The following VPS52 variants were observed in gnomAD, a reference collection of about 807,000 sequenced individuals.
The protein encoded by VPS52 is VPS52 subunit of GARP complex, also known as vacuolar protein sorting-associated protein 52 homolog.
A neutral mutation model predicts 98.7 loss-of-function variants in VPS52; 56 were observed. That is an observed-to-expected ratio of 0.57 (90% CI 0.46 to 0.71). The LOEUF is 0.71. Ranked by LOEUF, VPS52 falls within the 30% of genes least tolerant of loss-of-function variation. VPS52 has a pLI of 0.00. For synonymous variants in VPS52, 348 were observed against 346.4 expected (o/e 1.00, Z -0.05); for missense variants, 742 against 925.9 (o/e 0.80, Z 2.58).
chr6:33,251,466 G>A (rs2150781441), intron 19 of VPS52, 52 bp downstream of exon 19: 5 of 1,272,620 alleles, frequency 3.9e-6, no homozygotes, highest in East Asian at 2.3e-5. Flanking sequence ...AAAAGATGGG[G>A]AAAATAATTA....
Position 33,264,163 on chromosome 6 carries a change from C to T in VPS52, c.1525-60G>A, listed in dbSNP as rs1763994339. On this transcript the variant is annotated intron_variant, in intron 14 of 19. Transcript: ENST00000445902. ...TCCTGGCCCAACCAACACAACCTCCCAACTTCCTTAGCCAACCCACCTCCA... is the reference window on the plus strand; with the variant it reads ...TCCTGGCCCAACCAACACAACCTCCTAACTTCCTTAGCCAACCCACCTCCA... 1 of 1,596,062 alleles carries T rather than the reference C, an allele frequency of 6.3e-7. No homozygotes were observed. Among genetic ancestry groups the T allele is most frequent in the Non-Finnish European group, 8.6e-7 (1 of 1,165,926 alleles).
At chr6:33,270,823 C>T (rs545077207) in intron 1 of VPS52, among the ~76,000 whole-genome samples, 2 of 151,898 alleles carry the variant, frequency 1.3e-5, no homozygotes, top group African/African-American at 4.8e-5. Flanking sequence ...CGGTGGCGGG[C>T]GCCTGTAGTC....
chr6:33,271,371 G>T, intron 1 of VPS52: 1 of 730,470 alleles, frequency 1.4e-6, no homozygotes, highest in Non-Finnish European at 2.5e-6. Context: ...CCCAAAATGT[G>T]GAGTGAAGTT....
At chr6:33,256,463 C>CAAAAAAAAAAAAAAAAAA (rs9280385) in intron 17 of VPS52, among the ~76,000 whole-genome samples, 8 of 83,742 alleles carry the variant, frequency 9.6e-5, no homozygotes, top group Non-Finnish European at 1.6e-4. Flanking sequence ...AAACCTGTCT[C>CAAAAAAAAAAAAAAAAAA]AAAAAAAAAA....
chr6:33,267,247 G>A lies in VPS52; in HGVS notation c.1066C>T (p.Pro356Ser), dbSNP rs772652215. The change falls in exon 11 of 20, where the codon CCC (proline) becomes TCC (serine). Residue 356 changes from proline to serine, a missense_variant. By Grantham distance (74) the Pro-to-Ser change is moderately conservative. This residue lies in a region of VPS52 where 590 missense variants were observed against 793.3 expected (regional missense o/e 0.74). Coordinates refer to ENST00000445902, the MANE Select transcript of VPS52 (RefSeq NM_022553.6). The surrounding 1 kb of genome is among the most constrained non-coding windows in gnomAD (Gnocchi z 4.2). ...AGGATGGGGGCCTCAAGTTCAGTGGGGGAGATGACAGAGCCGCGGGTTCCT... is the reference window on the plus strand; with the variant it reads ...AGGATGGGGGCCTCAAGTTCAGTGGAGGAGATGACAGAGCCGCGGGTTCCT... ...TLGTRGSVIS[P>S]TELEAPILVP... 15 of 1,603,574 alleles carry A rather than the reference G, an allele frequency of 9.4e-6. No homozygotes were observed. In the South Asian group the frequency reaches 1.6e-4, roughly 17 times the overall value.
In VPS52 at chr6:33,253,542, T is replaced by A. The variant is rs1234681584; in HGVS notation, c.1795-1571A>T. Among the ~76,000 whole-genome samples, 4 of 149,976 alleles carry A rather than the reference T, an allele frequency of 2.7e-5. 1 individual carries two copies. On this transcript the variant is annotated intron_variant, in intron 17 of 19. Transcript: ENST00000445902. The stretch of plus-strand genomic sequence containing the variant: ...TATGAAATAACTGGGAAAATCTGAA[T>A]AGTTATTTTAGATAAGATAATTTTT...
At chr6:33,258,302 G>A (rs1464735526) in intron 17 of VPS52, among the ~76,000 whole-genome samples, 2 of 150,610 alleles carry the variant, frequency 1.3e-5, no homozygotes, top group African/African-American at 4.9e-5. Context: ...AAGGATAAGT[G>A]CTTGAACCCG....
At position 33,268,545 on chromosome 6, in the gene VPS52, G is replaced by A; in HGVS notation, c.653C>T (p.Ala218Val). 6.2e-7 allele frequency: 1 copy of A among 1,612,722 alleles called. No homozygotes were observed. Among genetic ancestry groups the A allele is most frequent in the Non-Finnish European group, 8.5e-7 (1 of 1,179,924 alleles). Residue 218 changes from alanine (A) to valine (V), a missense_variant, in exon 7 of 20, where the codon GCA (alanine) becomes GTA (valine). Around this residue, in one of 2 missense-constraint regions of VPS52, gnomAD observed 590 missense variants for 793.3 expected, o/e 0.74. Transcript: ENST00000445902. The surrounding 1 kb of genome is among the most constrained non-coding windows in gnomAD (Gnocchi z 4.0). ...AVREQEARGT[A>V]ACADVRGVLD... ...CACGCCTCTGACATCTGCGCAGGCTGCTGTGCCTCTAGCTTCCTGCTCTCT... is the reference window on the plus strand; with the variant it reads ...CACGCCTCTGACATCTGCGCAGGCTACTGTGCCTCTAGCTTCCTGCTCTCT...
chr6:33,266,465 G>T, intron 12 of VPS52, 92 bp downstream of exon 12: 2 of 1,429,864 alleles, frequency 1.4e-6, no homozygotes, highest in Admixed American at 2.3e-5. Context: ...AGGCGATCCT[G>T]ATTTCAGTTC....
intron 17 of VPS52, among the ~76,000 whole-genome samples, chr6:33,261,067 T>G (rs1047787346): frequency 6.6e-6 from 1 of 151,812 alleles, no homozygotes; most frequent in South Asian, 2.1e-4. Context: ...CAGGCAACAG[T>G]TGTCTTTTGT....
rs1764095228 is a variant in VPS52 at position 33,264,767 on chromosome 6, C to T, written c.1400+15G>A. On this transcript the variant is annotated intron_variant, in intron 13 of 19. Transcript: ENST00000445902. Reference sequence around the variant, plus strand: ...TTCGTGGCCTGTTGGGCATCAAGGACCAGAATTCAGTGACCTGTCCAGGGC... The same window carrying T: ...TTCGTGGCCTGTTGGGCATCAAGGATCAGAATTCAGTGACCTGTCCAGGGC... 2 of 1,610,684 alleles carry T rather than the reference C, an allele frequency of 1.2e-6. No homozygotes were observed. Among genetic ancestry groups the T allele is most frequent in the South Asian group, 1.1e-5 (1 of 91,042 alleles).
Position 33,250,600 on chromosome 6 carries a change from T to G in VPS52, c.*241A>C. The G allele has an allele frequency of 1.9e-6, 1 of 514,608 alleles. No individual in the cohort carries two copies. The highest frequency in any genetic ancestry group is 3.6e-5 in the Admixed American group (1 of 27,416). 31.9% of individuals were successfully genotyped at this position (514,608 alleles called of 1,614,324 possible). A position where few individuals can be genotyped will look rare whatever the true frequency, so the allele number is the denominator to read the frequency against. ...CAGACTGGAGAAATGATAAAGGCCATTTTGGAAGCCCACAGGGAAGTGGTC... is the reference window on the plus strand; with the variant it reads ...CAGACTGGAGAAATGATAAAGGCCAGTTTGGAAGCCCACAGGGAAGTGGTC... On this transcript the variant is annotated 3_prime_UTR_variant, in exon 20 of 20. Transcript: ENST00000445902.
At chr6:33,269,397 T>C in intron 5 of VPS52, 93 bp downstream of exon 5, 1 of 1,537,664 alleles carries the variant, frequency 6.5e-7, no homozygotes, top group Non-Finnish European at 9.0e-7. Context: ...CCCTAACCTG[T>C]CCCCATCTTG....
At position 33,251,062 on chromosome 6, in the gene VPS52, G is replaced by A. The variant is rs185575599; in HGVS notation, c.2026-75C>T. The A allele has an allele frequency of 2.3e-4, 365 of 1,602,628 alleles. 1 individual carries two copies. The highest frequency in any genetic ancestry group is 2.9e-4 in the Non-Finnish European group (341 of 1,175,640). ...GTGATGATTAAGAATCAGGTTAGGC[G>A]GCCAGGCGCAGTGGCTCACACTTGT... On this transcript the variant is annotated intron_variant, in intron 19 of 19. Transcript: ENST00000445902.
chr6:33,265,955 C>T (rs1253759360), intron 12 of VPS52, among the ~76,000 whole-genome samples: 1 of 152,040 alleles, frequency 6.6e-6, no homozygotes, highest in African/African-American at 2.4e-5. Flanking sequence ...CAATCTCCTC[C>T]TCCCAGGTTC....
At chr6:33,257,264 G>A (rs1344509282) in intron 17 of VPS52, among the ~76,000 whole-genome samples, 2 of 152,112 alleles carry the variant, frequency 1.3e-5, no homozygotes, top group Non-Finnish European at 2.9e-5. Flanking sequence ...CAAACTCCTG[G>A]CTTCAAGCAA....
Position 33,264,097 on chromosome 6 carries a change from G to A in VPS52, c.1531C>T (p.Arg511Cys). The change falls in exon 15 of 20, where the codon CGC becomes TGC. Residue 511 changes from arginine to cysteine, a missense_variant. Around this residue, in one of 2 missense-constraint regions of VPS52, gnomAD observed 590 missense variants for 793.3 expected, o/e 0.74. Coordinates refer to ENST00000445902, the MANE Select transcript of VPS52 (RefSeq NM_022553.6). ...GLDTRPHYIT[R>C]RYAEFSSALV... ...GCGGAGGAGAACTCTGCATAGCGGCGTGTGATCTAGGAGAGAGTGGGAAGG... is the reference window on the plus strand; with the variant it reads ...GCGGAGGAGAACTCTGCATAGCGGCATGTGATCTAGGAGAGAGTGGGAAGG... The A allele has an allele frequency of 6.2e-7, 1 of 1,614,020 alleles. No individual in the cohort carries two copies. The highest frequency in any genetic ancestry group is 8.5e-7 in the Non-Finnish European group (1 of 1,179,998).
chr6:33,254,072 A>G (rs934419691), intron 17 of VPS52, among the ~76,000 whole-genome samples: 1 of 152,104 alleles, frequency 6.6e-6, no homozygotes, highest in Non-Finnish European at 1.5e-5. Flanking sequence ...AAGATCTGGT[A>G]AGAAGAAAGT....
intron 17 of VPS52, among the ~76,000 whole-genome samples, chr6:33,261,994 C>T (rs777114061): frequency 2.1e-5 from 3 of 140,526 alleles, no homozygotes; most frequent in South Asian, 4.5e-4. Context: ...GAGCTGAGAT[C>T]GCACCATCGC....
Sources: allele counts gnomAD v4.1 joint callset (sites outside exome capture counted in the v4.1 genomes callset), GRCh38; gene constraint gnomAD v4.1.1; regional missense constraint gnomAD v4.1.1; non-coding constraint Gnocchi (gnomAD v3.1); transcripts MANE v1.5; gene names NCBI Gene and HGNC (gene_info 2026-07-23, HGNC 2026-07-21).